LRRC9: variants seen among roughly 807,000 people sequenced by gnomAD.
LRRC9 encodes leucine rich repeat containing 9.
A neutral mutation model predicts 63.2 loss-of-function variants in LRRC9; 122 were observed. The ratio of observed to expected loss-of-function variants is 1.93; its 90% CI spans 1.67 to 2.24. LRRC9 has a LOEUF of 2.24. Ranked by LOEUF, LRRC9 falls within the 30% of genes most tolerant of loss-of-function variation. The probability of loss-of-function intolerance (pLI) is 0.00; values close to 1 mark genes in which losing one functional copy is unlikely to be tolerated. For synonymous variants in LRRC9, 366 were observed against 213.1 expected, an observed-to-expected ratio of 1.72 and a Z score of -6.25; for missense variants, 1,071 against 627.7, an observed-to-expected ratio of 1.71 and a Z score of -7.55.
At chr14:59,945,549 G>T (rs1463722760) in intron 8 of LRRC9, among the ~76,000 whole-genome samples, 1 of 151,852 alleles carries the variant, frequency 6.6e-6, no homozygotes, top group Non-Finnish European at 1.5e-5. Context: ...ATCTCAGCCT[G>T]CTAAATGAAA....
exon 15 of LRRC9, chr14:59,978,078 T>C: frequency 1.4e-6 from 1 of 702,338 alleles, no homozygotes; most frequent in South Asian, 1.5e-5. Flanking sequence ...GGTTTGTCTT[T>C]GATCATGACC....
At chr14:59,956,539 G>A (rs982479038) in intron 8 of LRRC9, among the ~76,000 whole-genome samples, 32 of 152,040 alleles carry the variant, frequency 2.1e-4, no homozygotes, top group African/African-American at 5.8e-4. Flanking sequence ...GTCTTTGCAC[G>A]TGAGAGGGGT....
chr14:59,993,055 G>C (rs1566854919), intron 17 of LRRC9, among the ~76,000 whole-genome samples: 1 of 152,184 alleles, frequency 6.6e-6, no homozygotes, highest in Non-Finnish European at 1.5e-5. Flanking sequence ...GGCAGCCAGA[G>C]AGAAAGGTCG....
chr14:59,944,712 C>T lies in LRRC9; in HGVS notation c.850C>T (p.Arg284Ter), dbSNP rs752419577. The change falls in exon 8 of 32, where the codon CGA (arginine) becomes TGA (stop). Residue 284 changes from arginine to a stop codon, truncating the protein, a stop_gained. Coordinates refer to ENST00000445360, the Ensembl canonical transcript of LRRC9. LOFTEE classifies it high-confidence loss of function. ...CAAATTACAAAAGTTGCCAGAAGAA[C>T]GAGTAAAATTATTCAGCTTTGTGAA... The T allele has an allele frequency of 2.4e-5, 16 of 672,958 alleles. No individual in the cohort carries two copies. Among genetic ancestry groups the T allele is most frequent in the Admixed American group, 6.8e-5 (3 of 44,140 alleles). The allele number at this position is 672,958 out of a possible 1,614,324, so 41.7% of individuals were successfully genotyped here. A position where few individuals can be genotyped will look rare whatever the true frequency, so the allele number is the denominator to read the frequency against.
chr14:59,952,840 G>T (rs1180453076), intron 8 of LRRC9, among the ~76,000 whole-genome samples: 2 of 152,072 alleles, frequency 1.3e-5, no homozygotes, highest in Non-Finnish European at 2.9e-5. Context: ...CCTGGTGTGT[G>T]ATGTTCCCCT....
chr14:59,932,508 T>G lies in LRRC9; in HGVS notation c.543+469T>G, dbSNP rs1386842583. 6.6e-6 allele frequency among the ~76,000 whole-genome samples: 1 copy of G among 152,118 alleles called. No homozygotes were observed. Among genetic ancestry groups the G allele is most frequent in the African/African-American group, 2.4e-5 (1 of 41,466 alleles). On this transcript the variant is annotated intron_variant, in intron 6 of 31. Transcript: ENST00000445360. The surrounding 1 kb of genome is among the most constrained non-coding windows in gnomAD (Gnocchi z 4.7). ...ACTGTACACATATCTTAATGCAAAC[T>G]AATTTTTCCTCTACCAGGCCTTCTC...
chr14:60,019,022 A>G, intron 25 of LRRC9, 99 bp from the exon 26 acceptor site: 2 of 508,274 alleles, frequency 3.9e-6, no homozygotes, highest in Non-Finnish European at 6.9e-6. Flanking sequence ...TTGTTTTAGC[A>G]CTAATATATT....
chr14:60,024,663 A>C (rs1211017704), intron 27 of LRRC9, among the ~76,000 whole-genome samples: 8 of 152,166 alleles, frequency 5.3e-5, no homozygotes, highest in South Asian at 2.1e-4. Context: ...GCACAATGAC[A>C]GATCTTTTTT....
In LRRC9 at chr14:60,036,774, T is replaced by A. The variant is rs557358763; in HGVS notation, c.3990+4711T>A. 7.9e-5 allele frequency among the ~76,000 whole-genome samples: 12 copies of A among 152,254 alleles called. No individual in the cohort carries two copies. In the East Asian group the frequency reaches 1.3e-3, roughly 17 times the overall value. ...GGCTTCATGTACTTTATTATTATTT[T>A]TATATATATACTTTAAGTTCTAGGG... is the stretch of plus-strand genomic sequence containing the variant. On this transcript the variant is annotated intron_variant, in intron 29 of 31. Transcript: ENST00000445360.
intron 26 of LRRC9, among the ~76,000 whole-genome samples, chr14:60,022,248 T>A (rs951528985): frequency 6.6e-6 from 1 of 151,874 alleles, no homozygotes. Context: ...TTCTTTTTTA[T>A]ACTTTGTGAA....
At chr14:60,013,376 T>G (rs1890415127) in intron 23 of LRRC9, among the ~76,000 whole-genome samples, 1 of 152,142 alleles carries the variant, frequency 6.6e-6, no homozygotes, top group Admixed American at 6.5e-5. Flanking sequence ...GAGTAGATTT[T>G]CTTCAGGAAA....
At chr14:59,944,261 G>A (rs1238342835) in intron 7 of LRRC9, among the ~76,000 whole-genome samples, 1 of 151,682 alleles carries the variant, frequency 6.6e-6, no homozygotes, top group African/African-American at 2.4e-5. Context: ...TTATATGTTT[G>A]CTCTAATTGT....
intron 29 of LRRC9, 81 bp downstream of exon 29, chr14:60,032,144 G>A (rs1053894093): frequency 1.6e-6 from 1 of 628,518 alleles, no homozygotes; most frequent in African/African-American, 1.8e-5. Context: ...ATTAGAAAGG[G>A]ATTTAGTTTT....
At chr14:59,977,568 TTGTGTGTG>T (rs150262478) in intron 14 of LRRC9, among the ~76,000 whole-genome samples, 71 of 144,602 alleles carry the variant, frequency 4.9e-4, no homozygotes, top group African/African-American at 1.8e-3. Context: ...AATTATGTAT[TTGTGTGTG>T]TGTGTGTGTG....
intron 28 of LRRC9, chr14:60,030,522 G>A (rs1339841655): frequency 1.3e-5 from 2 of 151,930 alleles, no homozygotes; most frequent in Non-Finnish European, 2.9e-5. Context: ...TTAATCACCT[G>A]AAGCTGAAAA....
At chr14:60,047,896 A>C (rs1893568337) in intron 29 of LRRC9, among the ~76,000 whole-genome samples, 1 of 152,222 alleles carries the variant, frequency 6.6e-6, no homozygotes. Flanking sequence ...ATCGGAAGTC[A>C]AACACTCCTC....
chr14:59,927,316 C>T lies in LRRC9; in HGVS notation c.-33-595C>T, dbSNP rs1476305348. On this transcript the variant is annotated intron_variant, in intron 1 of 31. Transcript: ENST00000445360. The surrounding 1 kb of genome is among the most constrained non-coding windows in gnomAD (Gnocchi z 4.4). ...CTGGAATAATATACAGAAAATATTA[C>T]AAATTATGAAAGTTGGATTAAGTTT... is the stretch of plus-strand genomic sequence containing the variant. 6.6e-6 allele frequency among the ~76,000 whole-genome samples: 1 copy of T among 151,892 alleles called. No individual in the cohort carries two copies. The highest frequency in any genetic ancestry group is 2.4e-5 in the African/African-American group (1 of 41,384).
chr14:60,010,146 C>G (rs1039302904), intron 23 of LRRC9, among the ~76,000 whole-genome samples: 4 of 152,212 alleles, frequency 2.6e-5, no homozygotes. Context: ...AGTGGGGACT[C>G]TGTGTGGGGG....
At chr14:59,920,470 G>A (rs1185006921) in intron 1 of LRRC9, 197 bp downstream of exon 1, 1 of 152,428 alleles carries the variant, frequency 6.6e-6, no homozygotes, top group Non-Finnish European at 1.5e-5. Flanking sequence ...CAGGGTACCA[G>A]AACAAAGTTC....
Sources: allele counts gnomAD v4.1 joint callset (sites outside exome capture counted in the v4.1 genomes callset), GRCh38; gene constraint gnomAD v4.1.1; non-coding constraint Gnocchi (gnomAD v3.1); transcripts MANE v1.5; gene names NCBI Gene and HGNC (gene_info 2026-07-23, HGNC 2026-07-21).